The following PVT1 variants were observed in gnomAD, a reference collection of about 807,000 sequenced individuals.
PVT1 encodes the protein Pvt1 oncogene.
chr8:127,893,135 G>C (rs1001218376), intron 3 of PVT1, among the ~76,000 whole-genome samples: 1 of 152,194 alleles, frequency 6.6e-6, no homozygotes, highest in Admixed American at 6.5e-5. Context: ...CAAGGATGCT[G>C]ATGTAGTAAT....
chr8:127,910,205 G>A (rs956088154), intron 3 of PVT1, among the ~76,000 whole-genome samples: 1 of 152,162 alleles, frequency 6.6e-6, no homozygotes, highest in Non-Finnish European at 1.5e-5. Flanking sequence ...GCCACGCAAG[G>A]GGAAGATGGG....
At chr8:128,030,561 T>C (rs2130069745) in intron 4 of PVT1, among the ~76,000 whole-genome samples, 1 of 152,358 alleles carries the variant, frequency 6.6e-6, no homozygotes, top group Non-Finnish European at 1.5e-5. Context: ...ATTATGCTAC[T>C]TGAGGCACAG....
intron 4 of PVT1, among the ~76,000 whole-genome samples, chr8:128,018,643 T>G (rs957835567): frequency 3.3e-5 from 5 of 152,228 alleles, no homozygotes; most frequent in Non-Finnish European, 7.3e-5. Context: ...TGGGAGAGCT[T>G]CAGCTCGTCT....
At chr8:128,015,771 C>CAAAA (rs375990538) in intron 4 of PVT1, among the ~76,000 whole-genome samples, 46,759 of 94,562 alleles carry the variant, frequency 0.49, 10,797 homozygotes, top group Non-Finnish European at 0.53. Context: ...GACTTTGTCT[C>CAAAA]AAAAAAAAAA....
chr8:127,900,607 A>G (rs942315693), intron 3 of PVT1, among the ~76,000 whole-genome samples: 2 of 152,224 alleles, frequency 1.3e-5, no homozygotes, highest in African/African-American at 2.4e-5. Flanking sequence ...TGCTGGGCAG[A>G]TGATGCTACT....
chr8:127,808,030 A>T (rs1163052359), intron 2 of PVT1, among the ~76,000 whole-genome samples: 1 of 151,080 alleles, frequency 6.6e-6, no homozygotes, highest in Non-Finnish European at 1.5e-5. Flanking sequence ...AGCCTCCCAC[A>T]GTGTTAGGAT....
intron 4 of PVT1, among the ~76,000 whole-genome samples, chr8:128,016,778 A>G (rs1014453171): frequency 6.6e-6 from 1 of 152,226 alleles, no homozygotes; most frequent in Admixed American, 6.5e-5. Context: ...CTGGCCAGAA[A>G]GCCATGGCTT....
At chr8:127,859,576 C>T (rs764632473) in intron 2 of PVT1, among the ~76,000 whole-genome samples, 9 of 152,046 alleles carry the variant, frequency 5.9e-5, no homozygotes, top group South Asian at 2.1e-4. Context: ...TGCTGGCCTG[C>T]GAACTATTCA....
rs1035348826 is a variant in PVT1, at chr8:127,796,014, G to T, written n.315G>T. On this transcript the variant is annotated non_coding_transcript_exon_variant, in exon 2 of 11. Transcript: ENST00000651587. ...AGATGAGTTACATCTTGGAGGTGAG[G>T]ACGTGCCTCGTGGTCTAAAGCTTCG... is the stretch of plus-strand genomic sequence containing the variant. The T allele has an allele frequency of 1.8e-5, 3 of 170,446 alleles. No individual in the cohort carries two copies. In the Admixed American group the frequency reaches 2.0e-4, roughly 11 times the overall value. 10.6% of individuals were successfully genotyped at this position (170,446 alleles called of 1,614,324 possible). A position where few individuals can be genotyped will look rare whatever the true frequency, so the allele number is the denominator to read the frequency against.
intron 2 of PVT1, among the ~76,000 whole-genome samples, chr8:127,823,567 G>T (rs1428220037): frequency 6.6e-6 from 1 of 152,072 alleles, no homozygotes; most frequent in Non-Finnish European, 1.5e-5. Flanking sequence ...AGCTCATGTT[G>T]CTCCTTGTCT....
chr8:127,947,913 AT>A (rs1296871052), intron 3 of PVT1: 4 of 456,632 alleles, frequency 8.8e-6, no homozygotes, highest in Non-Finnish European at 1.8e-5. Flanking sequence ...TATTATCCCC[AT>A]TTTACCTATA....
intron 3 of PVT1, among the ~76,000 whole-genome samples, chr8:127,925,849 C>T (rs188227523): frequency 4.6e-5 from 7 of 152,236 alleles, no homozygotes; most frequent in East Asian, 1.9e-4. Flanking sequence ...CCATGTTGGC[C>T]GGGCTGCTCT....
Position 127,813,156 on chromosome 8 carries a change from ATG to A in PVT1, n.372+17087_372+17088del, listed in dbSNP as rs1202843007. ...TGAGACTCTGTCTCAAAAAAAATAT[ATG>A]TATATAATATATACAAATATATATA... On this transcript the variant is annotated intron_variant and non_coding_transcript_variant, in intron 2 of 10. Transcript: ENST00000651587. Among the ~76,000 whole-genome samples, 271 of 147,334 alleles carry A rather than the reference ATG, an allele frequency of 1.8e-3. 2 individuals carry two copies. The Middle Eastern group carries it at 0.025, about 14-fold the overall frequency.
intron 4 of PVT1, among the ~76,000 whole-genome samples, chr8:127,994,979 T>A (rs1817088770): frequency 6.6e-6 from 1 of 152,220 alleles, no homozygotes; most frequent in Non-Finnish European, 1.5e-5. Context: ...CTGGACATAC[T>A]CAGAAATGCT....
chr8:127,926,025 T>G (rs1361767017), intron 3 of PVT1, among the ~76,000 whole-genome samples: 3 of 152,176 alleles, frequency 2.0e-5, no homozygotes, highest in Non-Finnish European at 4.4e-5. Context: ...ATGTCAGCTC[T>G]CTTTAGGAGA....
chr8:128,068,614 AG>A (rs1468736341), intron 4 of PVT1, among the ~76,000 whole-genome samples: 2 of 149,614 alleles, frequency 1.3e-5, no homozygotes, highest in Non-Finnish European at 3.0e-5. Flanking sequence ...CTCCTGCCTC[AG>A]CCCCTGAGAA....
At chr8:127,927,601 G>A (rs1362032667) in intron 3 of PVT1, among the ~76,000 whole-genome samples, 1 of 152,176 alleles carries the variant, frequency 6.6e-6, no homozygotes, top group African/African-American at 2.4e-5. Context: ...TCATGAATGT[G>A]GGGGTGTATG....
chr8:127,971,546 T>A (rs957200666), intron 3 of PVT1, among the ~76,000 whole-genome samples: 8 of 152,136 alleles, frequency 5.3e-5, no homozygotes, highest in Non-Finnish European at 1.2e-4. Context: ...TATTTTTTGA[T>A]TAAAGGAAGG....
At chr8:128,020,067 C>CCTT (rs3041913) in intron 4 of PVT1, among the ~76,000 whole-genome samples, 126,277 of 151,838 alleles carry the variant, frequency 0.83, 52,638 homozygotes, top group East Asian at 0.89. Flanking sequence ...TGGGTAAAGT[C>CCTT]CTTCTCCATG....
Sources: allele counts gnomAD v4.1 joint callset (sites outside exome capture counted in the v4.1 genomes callset), GRCh38; gene constraint gnomAD v4.1.1; transcripts MANE v1.5; gene names NCBI Gene and HGNC (gene_info 2026-07-23, HGNC 2026-07-21).